Variants in MPHOSPH6 observed in about 807,000 individuals in gnomAD.
The protein encoded by MPHOSPH6 is M-phase phosphoprotein 6.
Under a neutral mutation model 21.8 loss-of-function variants are expected in MPHOSPH6, and 25 were observed. The observed-to-expected ratio is 1.15, with a 90% CI of 0.83 to 1.60. The LOEUF (loss-of-function observed/expected upper bound fraction) is 1.60. Ranked by LOEUF, MPHOSPH6 falls within the 40% of genes most tolerant of loss-of-function variation. The pLI is 0.00. For synonymous variants in MPHOSPH6, 84 were observed against 56.5 expected, an observed-to-expected ratio of 1.49 and a Z score of -2.18; for missense variants, 269 against 181.8, an observed-to-expected ratio of 1.48 and a Z score of -2.76.
At chr16:82,150,760 G>A (rs7195527) in intron 3 of MPHOSPH6, among the ~76,000 whole-genome samples, 1 of 152,182 alleles carries the variant, frequency 6.6e-6, no homozygotes, top group Non-Finnish European at 1.5e-5. Context: ...TGTTAACACT[G>A]CCAAGGGCAA....
At chr16:82,167,834 G>A (rs1906835239) in intron 1 of MPHOSPH6, among the ~76,000 whole-genome samples, 1 of 152,188 alleles carries the variant, frequency 6.6e-6, no homozygotes. Context: ...ACTTCCTGCT[G>A]TGCAGCCTGT....
chr16:82,148,873 G>A lies in MPHOSPH6; in HGVS notation c.351-10C>T, dbSNP rs1906172859. ...CACCAAGGTCTCATATCTGTCAAGA[G>A]GACAGGCAGCACACGTTTAATTTCA... is the stretch of plus-strand genomic sequence containing the variant. On this transcript the variant is annotated splice_polypyrimidine_tract_variant and intron_variant, in intron 4 of 4. Transcript: ENST00000258169. 6.2e-7 allele frequency: 1 copy of A among 1,613,722 alleles called. No homozygotes were observed. The highest frequency in any genetic ancestry group is 8.5e-7 in the Non-Finnish European group (1 of 1,179,800).
rs976210456 is a variant in MPHOSPH6, at chr16:82,170,177, G to C, written c.-2C>G. ...CCTTGTCTTTCGCTCGGCCGCCATG[G>C]TAGCTTCCGCCCAGCGCCGCACTCC... On this transcript the variant is annotated 5_prime_UTR_variant, in exon 1 of 5. It introduces an in-frame stop codon into an upstream open reading frame of the 5' UTR. Coordinates refer to ENST00000258169, the MANE Select transcript of MPHOSPH6 (RefSeq NM_005792.2). 1.3e-6 allele frequency: 2 copies of C among 1,588,776 alleles called. No individual in the cohort carries two copies. The highest frequency in any genetic ancestry group is 8.6e-7 in the Non-Finnish European group (1 of 1,168,742).
intron 2 of MPHOSPH6, among the ~76,000 whole-genome samples, chr16:82,156,487 A>G (rs957908456): frequency 5.3e-5 from 8 of 152,280 alleles, no homozygotes; most frequent in Admixed American, 3.3e-4. Flanking sequence ...AAGGCACTTC[A>G]CAAAGGTAGA....
At chr16:82,163,215 A>G (rs1906660080) in intron 2 of MPHOSPH6, among the ~76,000 whole-genome samples, 1 of 152,250 alleles carries the variant, frequency 6.6e-6, no homozygotes, top group Non-Finnish European at 1.5e-5. Flanking sequence ...ATGGAAACAC[A>G]TAAATGTGCC....
At chr16:82,164,048 C>T in intron 2 of MPHOSPH6, 34 bp downstream of exon 2, 1 of 1,417,724 alleles carries the variant, frequency 7.1e-7, no homozygotes, top group Non-Finnish European at 9.9e-7. Context: ...CTGAATGCCA[C>T]AAGCATCATC....
chr16:82,166,366 G>A (rs12597010), intron 1 of MPHOSPH6, among the ~76,000 whole-genome samples: 99,108 of 152,072 alleles, frequency 0.65, 34,410 homozygotes, highest in East Asian at 0.78. Flanking sequence ...TTGCCTTTGC[G>A]ACTTAACACG....
rs767220675 is a variant in MPHOSPH6 at position 82,164,138 on chromosome 16, C to T, written c.108G>A (p.Lys36=). Residue 36 remains lysine (K), a synonymous_variant, in exon 2 of 5, where the codon AAG becomes AAA. Coordinates refer to ENST00000258169, the MANE Select transcript of MPHOSPH6 (RefSeq NM_005792.2). The stretch of plus-strand genomic sequence containing the variant: ...ACCAGTGCTCTTCACTAATGATTTT[C>T]TTTTCTTCTTCTTCTAGTTGTTTCT... ...ETKKQLEEEE[K]KIISEEHWYL... 6.2e-7 allele frequency: 1 copy of T among 1,612,714 alleles called. No homozygotes were observed. The highest frequency in any genetic ancestry group is 2.2e-5 in the East Asian group (1 of 44,862).
chr16:82,165,242 C>G (rs1906735551), intron 1 of MPHOSPH6, among the ~76,000 whole-genome samples: 1 of 150,156 alleles, frequency 6.7e-6, no homozygotes, highest in East Asian at 2.0e-4. Flanking sequence ...GTTCTCCTGC[C>G]TCAGCTTCTC....
Position 82,149,412 on chromosome 16 carries a change from T to C in MPHOSPH6, c.256-9A>G, listed in dbSNP as rs201307094. On this transcript the variant is annotated splice_polypyrimidine_tract_variant and intron_variant, in intron 3 of 4. Transcript: ENST00000258169. ...ATCTGAAGCATCAATTTCTGAAAAA[T>C]ACACCAGTGCTGACCTTCAGGCTAG... 5.5e-5 allele frequency: 89 copies of C among 1,609,822 alleles called. No individual in the cohort carries two copies. In the African/African-American group the frequency reaches 6.0e-4, roughly 11 times the overall value.
intron 2 of MPHOSPH6, among the ~76,000 whole-genome samples, chr16:82,163,161 G>C (rs989123626): frequency 4.6e-5 from 7 of 152,116 alleles, no homozygotes; most frequent in Admixed American, 3.9e-4. Flanking sequence ...AAATGAACAG[G>C]GGAATATAAC....
intron 2 of MPHOSPH6, among the ~76,000 whole-genome samples, chr16:82,158,729 G>C (rs1355825595): frequency 1.3e-5 from 2 of 152,118 alleles, no homozygotes; most frequent in African/African-American, 2.4e-5. Context: ...CAAAATTCAA[G>C]CTTTCAAGCA....
At chr16:82,156,133 T>G (rs778820691) in intron 2 of MPHOSPH6, among the ~76,000 whole-genome samples, 1 of 151,958 alleles carries the variant, frequency 6.6e-6, no homozygotes, top group Non-Finnish European at 1.5e-5. Flanking sequence ...AAAAAATTGA[T>G]AAAATAGAAA....
At chr16:82,165,798 G>C (rs1436659786) in intron 1 of MPHOSPH6, among the ~76,000 whole-genome samples, 1 of 41,508 alleles carries the variant, frequency 2.4e-5, no homozygotes, top group African/African-American at 4.8e-5. Flanking sequence ...GGTTTGCGTA[G>C]ATGAACCCTA....
intron 1 of MPHOSPH6, among the ~76,000 whole-genome samples, chr16:82,166,670 G>C (rs1385379418): frequency 2.0e-5 from 3 of 152,150 alleles, no homozygotes; most frequent in Non-Finnish European, 4.4e-5. Context: ...TTCTCTGAAT[G>C]GAAATGAACC....
Position 82,154,061 on chromosome 16 carries a change from A to C in MPHOSPH6, c.165-2547T>G, listed in dbSNP as rs116313712. ...AATTTTGCCACATAAGGTAACACTC[A>C]CAGGTTTCAGAGATGAAAACCTAGA... is the stretch of plus-strand genomic sequence containing the variant. On this transcript the variant is annotated intron_variant, in intron 2 of 4. Coordinates refer to ENST00000258169, the MANE Select transcript of MPHOSPH6 (RefSeq NM_005792.2). Among the ~76,000 whole-genome samples the C allele has an allele frequency of 9.7e-3, 1,482 of 152,292 alleles. 21 individuals are homozygous for C. Among genetic ancestry groups the C allele is most frequent in the African/African-American group, 0.034 (1,411 of 41,562 alleles).
At chr16:82,156,968 G>A (rs1000238830) in intron 2 of MPHOSPH6, among the ~76,000 whole-genome samples, 1 of 152,228 alleles carries the variant, frequency 6.6e-6, no homozygotes. Context: ...CAGGAGAACC[G>A]CTTGAACCTG....
intron 1 of MPHOSPH6, 30 bp downstream of exon 1, chr16:82,170,095 C>A (rs770550123): frequency 1.3e-6 from 2 of 1,579,960 alleles, no homozygotes; most frequent in Non-Finnish European, 1.7e-6. Flanking sequence ...GCCCCTACCG[C>A]CCGGAGTGGC....
At chr16:82,170,065 C>G in intron 1 of MPHOSPH6, 60 bp downstream of exon 1, 1 of 1,540,406 alleles carries the variant, frequency 6.5e-7, no homozygotes, top group Non-Finnish European at 8.8e-7. Flanking sequence ...TCGGCCCCGG[C>G]CAGGTTGGAA....
Sources: gnomAD v4.1 joint callset for allele counts (sites outside exome capture counted in the v4.1 genomes callset) on GRCh38, gnomAD v4.1.1 for gene constraint, MANE v1.5 for transcripts, NCBI Gene and HGNC (gene_info 2026-07-23, HGNC 2026-07-21) for gene names.